TLN1: variants seen among roughly 807,000 people sequenced by gnomAD.
TLN1 encodes talin-1.
In TLN1, 56 loss-of-function variants were observed where a neutral mutation model predicts 292.3. The ratio of observed to expected loss-of-function variants is 0.19; its 90% CI spans 0.15 to 0.24. The LOEUF is 0.24. Among genes scored for constraint, TLN1 ranks in the 10% least tolerant of loss-of-function variants. The probability of loss-of-function intolerance (pLI) is 1.00; values close to 1 mark genes in which losing one functional copy is unlikely to be tolerated. For synonymous variants in TLN1, 1,119 were observed against 1,253.7 expected (o/e 0.89, Z 2.27); for missense variants, 2,433 against 3,248.2 (o/e 0.75, Z 6.10).
At chr9:35,723,929 G>C in intron 7 of TLN1, 23 bp downstream of exon 7, 3 of 1,613,734 alleles carry the variant, frequency 1.9e-6, no homozygotes, top group Non-Finnish European at 2.5e-6. Context: ...GCCCTGACAG[G>C]GTATAGGATG....
intron 25 of TLN1, 119 bp downstream of exon 25, chr9:35,713,833 TA>T: frequency 1.9e-6 from 2 of 1,064,350 alleles, no homozygotes; most frequent in Non-Finnish European, 2.6e-6. Flanking sequence ...AAAAGAAAAA[TA>T]AAAGAGAGAA....
intron 43 of TLN1, 47 bp downstream of exon 43, chr9:35,705,502 CAT>C: frequency 6.6e-7 from 1 of 1,525,216 alleles, no homozygotes. Context: ...GACACTGACA[CAT>C]CAGGAACAAG....
chr9:35,707,328 C>T lies in TLN1; in HGVS notation c.4773+20G>A. ...GAGGTGATAAGCTGGCCCATCAGTT[C>T]CCCCTTCACATCGCCTCACCTCAGG... On this transcript the variant is annotated intron_variant, in intron 36 of 56. Coordinates refer to ENST00000314888, the MANE Select transcript of TLN1 (RefSeq NM_006289.4). The surrounding 1 kb of genome is among the most constrained non-coding windows in gnomAD (Gnocchi z 5.6). 1 of 1,612,544 alleles carries T rather than the reference C, an allele frequency of 6.2e-7. No individual in the cohort carries two copies. Among genetic ancestry groups the T allele is most frequent in the Admixed American group, 1.7e-5 (1 of 59,936 alleles).
At chr9:35,702,253 C>A (rs1483222158) in intron 48 of TLN1, among the ~76,000 whole-genome samples, 1 of 152,182 alleles carries the variant, frequency 6.6e-6, no homozygotes, top group Non-Finnish European at 1.5e-5. Context: ...GGCACTGCAT[C>A]TAGGTGGTGA....
chr9:35,717,037 TGTGCTGA>T lies in TLN1; in HGVS notation c.2458+102_2458+108del. 7.8e-7 allele frequency: 1 copy of T among 1,283,736 alleles called. No homozygotes were observed. Among genetic ancestry groups the T allele is most frequent in the Non-Finnish European group, 1.1e-6 (1 of 936,606 alleles). 79.5% of individuals were successfully genotyped at this position (1,283,736 alleles called of 1,614,324 possible). A position where few individuals can be genotyped will look rare whatever the true frequency, so the allele number is the denominator to read the frequency against. ...GGTTGTGTGGCTGGCAAGCCCACAC[TGTGCTGA>T]GTTCCTTGGGGTGAAGTGGTTAGGT... is the stretch of plus-strand genomic sequence containing the variant. On this transcript the variant is annotated intron_variant, in intron 19 of 56. Coordinates refer to ENST00000314888, the MANE Select transcript of TLN1 (RefSeq NM_006289.4). The surrounding 1 kb of genome is among the most constrained non-coding windows in gnomAD (Gnocchi z 4.7).
intron 49 of TLN1, 54 bp downstream of exon 49, chr9:35,700,137 C>T: frequency 6.3e-7 from 1 of 1,592,620 alleles, no homozygotes; most frequent in Non-Finnish European, 8.6e-7. Flanking sequence ...CAGTTTCTCT[C>T]CCACTATGTT....
At chr9:35,728,136 A>C (rs1826010366) in intron 1 of TLN1, among the ~76,000 whole-genome samples, 1 of 152,138 alleles carries the variant, frequency 6.6e-6, no homozygotes, top group South Asian at 2.1e-4. Context: ...AAGTTGGGCA[A>C]TTGGAGGGGG....
rs945704125 is a variant in TLN1, at chr9:35,722,992, C to G, written c.783-71G>C. 3.6e-6 allele frequency: 5 copies of G among 1,400,050 alleles called. No homozygotes were observed. In the African/African-American group the frequency reaches 5.6e-5, roughly 16 times the overall value. 86.7% of individuals were successfully genotyped at this position (1,400,050 alleles called of 1,614,324 possible). A position where few individuals can be genotyped will look rare whatever the true frequency, so the allele number is the denominator to read the frequency against. ...GGACATGTGGGCCATGAACTGTGGG[C>G]CTGGGGGTATGAGGAAATACCTAGG... On this transcript the variant is annotated intron_variant, in intron 7 of 56. Transcript: ENST00000314888.
chr9:35,706,741 C>A lies in TLN1; in HGVS notation c.5088+27G>T. ...CTGATATTTCTCTTCCTAGACACAT[C>A]TTTCCATATAACCCTCTCCCTCTCA... On this transcript the variant is annotated intron_variant, in intron 38 of 56. Coordinates refer to ENST00000314888, the MANE Select transcript of TLN1 (RefSeq NM_006289.4). This position sits in a 1 kb window ranked among gnomAD's most constrained non-coding sequence, Gnocchi z 4.2. 6.2e-7 allele frequency: 1 copy of A among 1,609,454 alleles called. No individual in the cohort carries two copies. The highest frequency in any genetic ancestry group is 8.5e-7 in the Non-Finnish European group (1 of 1,177,910).
rs1374771682 is a variant in TLN1, at chr9:35,698,356, A to G, written c.7338T>C (p.Ala2446=). ...GTTTCATTGCCTCCGAGTCCTGGTC[A>G]GCCTTGACCTTGCAGGCCACAAGGA... is the stretch of plus-strand genomic sequence containing the variant. ...AQLLVACKVK[A]DQDSEAMKRL... Residue 2446 remains alanine (A), a synonymous_variant, in exon 55 of 57, where the codon GCT becomes GCC. Coordinates refer to ENST00000314888, the MANE Select transcript of TLN1 (RefSeq NM_006289.4). The surrounding 1 kb of genome is among the most constrained non-coding windows in gnomAD (Gnocchi z 5.3). 5 of 1,614,182 alleles carry G rather than the reference A, an allele frequency of 3.1e-6. No homozygotes were observed. The Admixed American group carries it at 5.0e-5, about 16-fold the overall frequency.
At chr9:35,702,243 G>A (rs1342593257) in intron 48 of TLN1, among the ~76,000 whole-genome samples, 1 of 152,218 alleles carries the variant, frequency 6.6e-6, no homozygotes, top group Admixed American at 6.5e-5. Context: ...ATGGTTCGGA[G>A]GCACTGCATC....
At position 35,724,309 on chromosome 9, in the gene TLN1, T is replaced by G. The variant is rs759912576; in HGVS notation, c.537A>C (p.Thr179=). The change falls in exon 6 of 57, where the codon ACA becomes ACC. Residue 179 remains threonine (T), a synonymous_variant. Transcript: ENST00000314888. This position sits in a 1 kb window ranked among gnomAD's most constrained non-coding sequence, Gnocchi z 4.7. ...DELNWLDHGR[T]LREQGVEEHE... ...GCTCCTCTACACCCTGCTCCCTCAG[T>G]GTCCGACCATGGTCCAGCCAGTTCA... is the stretch of plus-strand genomic sequence containing the variant. 6.2e-7 allele frequency: 1 copy of G among 1,614,180 alleles called. No individual in the cohort carries two copies. The highest frequency in any genetic ancestry group is 2.2e-5 in the East Asian group (1 of 44,886).
intron 48 of TLN1, among the ~76,000 whole-genome samples, chr9:35,702,689 C>T (rs1825486181): frequency 6.6e-6 from 1 of 151,794 alleles, no homozygotes; most frequent in East Asian, 2.0e-4. Context: ...GACGGGGTTT[C>T]ACCATATTGG....
Position 35,724,747 on chromosome 9 carries a change from A to C in TLN1, c.359-23T>G. The C allele has an allele frequency of 6.2e-7, 1 of 1,613,918 alleles. No homozygotes were observed. The highest frequency in any genetic ancestry group is 8.5e-7 in the Non-Finnish European group (1 of 1,179,942). On this transcript the variant is annotated intron_variant, in intron 4 of 56. Transcript: ENST00000314888. The surrounding 1 kb of genome is among the most constrained non-coding windows in gnomAD (Gnocchi z 4.7). ...TGCCTGAGGAAGGAGATGGCTTGTTAGCTTCCCAGGTACTGCATCCATGCC... is the reference window on the plus strand; with the variant it reads ...TGCCTGAGGAAGGAGATGGCTTGTTCGCTTCCCAGGTACTGCATCCATGCC...
chr9:35,702,400 C>T (rs1563938493), intron 48 of TLN1, among the ~76,000 whole-genome samples: 1 of 152,154 alleles, frequency 6.6e-6, no homozygotes, highest in African/African-American at 2.4e-5. Context: ...GGAAGGCCTC[C>T]ACATTTACTA....
intron 8 of TLN1, among the ~76,000 whole-genome samples, chr9:35,722,614 T>C (rs892375424): frequency 6.6e-5 from 10 of 152,216 alleles, no homozygotes; most frequent in African/African-American, 2.4e-4. Flanking sequence ...AGTACTGTTA[T>C]CCCAAATCAG....
In TLN1 at chr9:35,724,833, T is replaced by C. The variant is rs374516720; in HGVS notation, c.355A>G (p.Ile119Val). Residue 119 changes from isoleucine to valine, a missense_variant, in exon 4 of 57, where the codon ATT (isoleucine) becomes GTT (valine). Physicochemically the swap from Ile to Val is conservative, Grantham distance 29. This residue lies in a region of TLN1 where 155 missense variants were observed against 287.9 expected (regional missense o/e 0.54). Transcript: ENST00000314888. This position sits in a 1 kb window ranked among gnomAD's most constrained non-coding sequence, Gnocchi z 4.7. ...TDMLMTICAR[I>V]GITNHDEYSL... ...CAACTGTACTAGGGCCCCTTACCAA[T>C]GCGGGCACAGATGGTCATGAGCATG... 1.2e-6 allele frequency: 2 copies of C among 1,614,060 alleles called. No homozygotes were observed. Among genetic ancestry groups the C allele is most frequent in the Non-Finnish European group, 1.7e-6 (2 of 1,180,036 alleles).
chr9:35,730,371 G>A (rs556239163), intron 1 of TLN1, among the ~76,000 whole-genome samples: 2 of 151,430 alleles, frequency 1.3e-5, no homozygotes, highest in South Asian at 4.1e-4. Flanking sequence ...CTGGCTGGGC[G>A]TGGGATCAGC....
chr9:35,729,065 T>C (rs1419063036), intron 1 of TLN1, among the ~76,000 whole-genome samples: 2 of 1,068 alleles, frequency 1.9e-3, no homozygotes, highest in Non-Finnish European at 0.02. Context: ...TGATCTGCCA[T>C]TTATTGACTA....
Sources: gnomAD v4.1 joint callset for allele counts (sites outside exome capture counted in the v4.1 genomes callset) on GRCh38, gnomAD v4.1.1 for gene constraint, gnomAD v4.1.1 regional missense constraint, Gnocchi (gnomAD v3.1) non-coding constraint, MANE v1.5 for transcripts, NCBI Gene and HGNC (gene_info 2026-07-23, HGNC 2026-07-21) for gene names.